The following LINGO2 variants were observed in gnomAD, a reference collection of about 807,000 sequenced individuals.
The protein encoded by LINGO2 is leucine rich repeat and Ig domain containing 2.
A neutral mutation model predicts 30.6 loss-of-function variants in LINGO2; 14 were observed. The ratio of observed to expected loss-of-function variants is 0.46; its 90% CI spans 0.30 to 0.72. LINGO2 has a LOEUF of 0.72. LINGO2 is among the 30% of genes least tolerant of loss of function. The pLI is 0.07. For synonymous variants in LINGO2, 317 were observed against 288.5 expected, an observed-to-expected ratio of 1.10 and a Z score of -1.00; for missense variants, 729 against 751.7, an observed-to-expected ratio of 0.97 and a Z score of 0.35.
the LINGO2 span, among the ~76,000 whole-genome samples, chr9:29,183,179 C>T: frequency 1.3e-5 from 2 of 152,032 alleles, no homozygotes; most frequent in Non-Finnish European, 2.9e-5. Context: ...TTTCTATTTC[C>T]AATGCAACAA....
chr9:28,344,439 T>C (rs984991328), intron 3 of LINGO2, among the ~76,000 whole-genome samples: 1 of 152,112 alleles, frequency 6.6e-6, no homozygotes, highest in Non-Finnish European at 1.5e-5. Context: ...TGTATATAAC[T>C]GTAAAACAGT....
chr9:28,091,493 G>C (rs766931641), intron 4 of LINGO2, among the ~76,000 whole-genome samples: 16 of 152,170 alleles, frequency 1.1e-4, no homozygotes, highest in Admixed American at 1.0e-3. Context: ...AAACTGGCTA[G>C]CCATATGCAG....
At chr9:28,906,831 A>G in the LINGO2 span, among the ~76,000 whole-genome samples, 1 of 151,926 alleles carries the variant, frequency 6.6e-6, no homozygotes, top group Non-Finnish European at 1.5e-5. Context: ...CACAAAAGGC[A>G]AAACAATACA....
downstream of LINGO2, chr9:27,944,580 A>AG (rs1823292210): frequency 6.6e-6 from 1 of 152,206 alleles, no homozygotes; most frequent in Admixed American, 6.5e-5. Flanking sequence ...AAGGCAGAAT[A>AG]ATTCCCAAAC....
intron 4 of LINGO2, among the ~76,000 whole-genome samples, chr9:28,183,751 C>T (rs1490649863): frequency 6.6e-6 from 1 of 152,122 alleles, no homozygotes; most frequent in Non-Finnish European, 1.5e-5. Context: ...CTACCATCAG[C>T]CCAAATTAAG....
chr9:28,405,100 C>A (rs1281515574), intron 2 of LINGO2, among the ~76,000 whole-genome samples: 1 of 152,126 alleles, frequency 6.6e-6, no homozygotes. Flanking sequence ...ACACTGAAAA[C>A]CAAATCCCTG....
chr9:28,277,690 T>A (rs956190110), intron 4 of LINGO2, among the ~76,000 whole-genome samples: 7 of 152,024 alleles, frequency 4.6e-5, no homozygotes, highest in Non-Finnish European at 8.8e-5. Flanking sequence ...GCACCTGTAA[T>A]CCCAGCTACT....
At chr9:28,542,308 T>C (rs187955392) in intron 1 of LINGO2, among the ~76,000 whole-genome samples, 1 of 152,090 alleles carries the variant, frequency 6.6e-6, no homozygotes, top group Non-Finnish European at 1.5e-5. Context: ...TATCTGCTGA[T>C]AGCTCTCCCT....
the LINGO2 span, among the ~76,000 whole-genome samples, chr9:28,708,761 T>TTACCTATC: frequency 7.4e-5 from 11 of 147,866 alleles, no homozygotes; most frequent in Admixed American, 6.2e-4. Context: ...TTTAAACTAA[T>TTACCTATC]TATCTATCTA....
intron 1 of LINGO2, among the ~76,000 whole-genome samples, chr9:28,497,203 C>T (rs1587756998): frequency 6.6e-6 from 1 of 152,240 alleles, no homozygotes; most frequent in African/African-American, 2.4e-5. Context: ...TGAATGTTGG[C>T]CTGCCTTGCT....
chr9:28,516,118 T>G (rs895533173), intron 1 of LINGO2, among the ~76,000 whole-genome samples: 1 of 152,232 alleles, frequency 6.6e-6, no homozygotes, highest in African/African-American at 2.4e-5. Context: ...CATAATGTTA[T>G]TGCCCATTTA....
At chr9:28,481,521 G>A (rs925191255) in intron 1 of LINGO2, among the ~76,000 whole-genome samples, 1 of 151,912 alleles carries the variant, frequency 6.6e-6, no homozygotes, top group East Asian at 1.9e-4. Flanking sequence ...TCAAGTATTT[G>A]TCACCTTCCA....
At chr9:28,349,998 A>T (rs1326153433) in intron 3 of LINGO2, among the ~76,000 whole-genome samples, 1 of 152,150 alleles carries the variant, frequency 6.6e-6, no homozygotes, top group Non-Finnish European at 1.5e-5. Flanking sequence ...TCCTGAAGGA[A>T]GCACTAAACA....
the LINGO2 span, among the ~76,000 whole-genome samples, chr9:29,109,410 C>T: frequency 0.24 from 35,783 of 151,866 alleles, 4,316 homozygotes; most frequent in East Asian, 0.4. Flanking sequence ...GCAATGTATA[C>T]TTATAAATCT....
At chr9:28,573,225 G>C (rs910481215) in intron 1 of LINGO2, among the ~76,000 whole-genome samples, 1 of 152,138 alleles carries the variant, frequency 6.6e-6, no homozygotes, top group Non-Finnish European at 1.5e-5. Context: ...GAAGGTTTCA[G>C]CAATTATTTA....
chr9:28,298,799 T>A (rs2134198464), intron 3 of LINGO2, among the ~76,000 whole-genome samples: 1 of 152,278 alleles, frequency 6.6e-6, no homozygotes, highest in East Asian at 1.9e-4. Flanking sequence ...AGGTTCCAGA[T>A]AGGGGCATGG....
Position 28,144,137 on chromosome 9 carries a change from A to G in LINGO2, c.-86-131732T>C, listed in dbSNP as rs184726399. Among the ~76,000 whole-genome samples, 118 of 152,338 alleles carry G rather than the reference A, an allele frequency of 7.7e-4. 3 individuals are homozygous for G. The highest frequency in any genetic ancestry group is 7.5e-3 in the Admixed American group (114 of 15,298). ...AGATAAAATAGTTTGTATTTCTTAA[A>G]AAATTAATTGATCTTTAAAGTCCTT... On this transcript the variant is annotated intron_variant, in intron 4 of 5. Coordinates refer to ENST00000379992, the Ensembl canonical transcript of LINGO2.
chr9:28,241,112 T>C (rs1821769375), intron 4 of LINGO2, among the ~76,000 whole-genome samples: 1 of 151,110 alleles, frequency 6.6e-6, no homozygotes, highest in African/African-American at 2.4e-5. Context: ...CTACTAAAAA[T>C]ACAAACATTA....
intron 1 of LINGO2, among the ~76,000 whole-genome samples, chr9:28,550,264 T>C (rs887855099): frequency 9.2e-5 from 14 of 151,874 alleles, no homozygotes; most frequent in African/African-American, 3.4e-4. Context: ...CTTTTCATTC[T>C]CTCATTTTAT....
Sources: allele counts gnomAD v4.1 joint callset (sites outside exome capture counted in the v4.1 genomes callset), GRCh38; gene constraint gnomAD v4.1.1; transcripts MANE v1.5; gene names NCBI Gene and HGNC (gene_info 2026-07-23, HGNC 2026-07-21).